EYS: variants seen among roughly 807,000 people sequenced by gnomAD.
EYS encodes the protein EGF-like photoreceptor maintenance factor, also known as protein eyes shut homolog.
EYS carries 250 observed loss-of-function variants against 282.1 expected under a neutral mutation model. The ratio of observed to expected loss-of-function variants is 0.89; its 90% CI spans 0.80 to 0.98. The LOEUF is 0.98. Ranked by LOEUF, EYS falls within the 50% of genes least tolerant of loss-of-function variation. EYS has a pLI of 0.00. For synonymous variants in EYS, 1,355 were observed against 1,282.9 expected (o/e 1.06, Z -1.20); for missense variants, 4,016 against 3,709.0 (o/e 1.08, Z -2.15).
intron 26 of EYS, among the ~76,000 whole-genome samples, chr6:64,477,808 G>GA (rs1289509182): frequency 6.6e-6 from 1 of 151,796 alleles, no homozygotes; most frequent in Admixed American, 6.6e-5. Context: ...TACGTGGTTT[G>GA]AAAAAAAATC....
At chr6:64,476,693 C>A (rs765948273) in intron 26 of EYS, among the ~76,000 whole-genome samples, 3 of 152,064 alleles carry the variant, frequency 2.0e-5, no homozygotes, top group Non-Finnish European at 2.9e-5. Context: ...AAGCCAATGT[C>A]AATTTAAAAT....
At chr6:64,330,382 C>T (rs746986840) in intron 29 of EYS, among the ~76,000 whole-genome samples, 31 of 152,038 alleles carry the variant, frequency 2.0e-4, no homozygotes, top group Non-Finnish European at 3.5e-4. Context: ...ATTACACACT[C>T]GGCAAAACCA....
At chr6:63,758,600 A>G (rs898467113) in intron 41 of EYS, among the ~76,000 whole-genome samples, 9 of 152,062 alleles carry the variant, frequency 5.9e-5, no homozygotes, top group South Asian at 2.1e-4. Context: ...CTCTCAGACT[A>G]TAGGGCTTTC....
At chr6:65,596,958 C>T (rs1356190299) in intron 2 of EYS, among the ~76,000 whole-genome samples, 1 of 151,976 alleles carries the variant, frequency 6.6e-6, no homozygotes, top group Non-Finnish European at 1.5e-5. Context: ...GAATGATGAG[C>T]TTCTGCTTTC....
intron 26 of EYS, among the ~76,000 whole-genome samples, chr6:64,444,963 T>A (rs6936546): frequency 0.017 from 2,628 of 152,354 alleles, 68 homozygotes; most frequent in African/African-American, 0.06. Context: ...ATGTTGGTGC[T>A]ATGCTGGTAC....
chr6:63,739,073 T>C (rs546897803), intron 41 of EYS, among the ~76,000 whole-genome samples: 6 of 152,246 alleles, frequency 3.9e-5, no homozygotes, highest in Non-Finnish European at 7.4e-5. Context: ...CCTCCCTCCT[T>C]CCTCCCCTCC....
intron 12 of EYS, among the ~76,000 whole-genome samples, chr6:65,058,533 C>T (rs1032630938): frequency 1.4e-5 from 2 of 142,594 alleles, no homozygotes; most frequent in South Asian, 4.5e-4. Flanking sequence ...TTTCAATCTA[C>T]TCATGATCTT....
intron 19 of EYS, among the ~76,000 whole-genome samples, chr6:64,831,898 G>A (rs1227044971): frequency 6.6e-6 from 1 of 152,042 alleles, no homozygotes; most frequent in Non-Finnish European, 1.5e-5. Context: ...CATTCTAAAT[G>A]AGTGAGTCAA....
chr6:64,545,465 C>T (rs573462573), intron 26 of EYS, among the ~76,000 whole-genome samples: 1 of 152,296 alleles, frequency 6.6e-6, no homozygotes, highest in Non-Finnish European at 1.5e-5. Context: ...TGGCACAAGA[C>T]AGGGATGCCC....
At chr6:64,195,055 T>A (rs1490819972) in intron 31 of EYS, among the ~76,000 whole-genome samples, 1 of 152,118 alleles carries the variant, frequency 6.6e-6, no homozygotes, top group Non-Finnish European at 1.5e-5. Context: ...TTCTTTTTAG[T>A]CCCACAGGTT....
intron 28 of EYS, among the ~76,000 whole-genome samples, chr6:64,395,957 C>T (rs1355931335): frequency 6.6e-6 from 1 of 151,706 alleles, no homozygotes; most frequent in African/African-American, 2.4e-5. Context: ...AAGGATAAAG[C>T]TCTATGAAAT....
intron 35 of EYS, among the ~76,000 whole-genome samples, chr6:63,970,554 G>A (rs966995678): frequency 6.6e-6 from 1 of 151,710 alleles, no homozygotes; most frequent in East Asian, 1.9e-4. Flanking sequence ...AGACTGGCAT[G>A]AACCCGGGAG....
chr6:64,193,487 T>C (rs1380226036), intron 31 of EYS, among the ~76,000 whole-genome samples: 2 of 151,998 alleles, frequency 1.3e-5, no homozygotes, highest in Non-Finnish European at 2.9e-5. Context: ...ATCTTTTTTT[T>C]TCCTGGTTGT....
chr6:64,220,240 G>T (rs750941763), intron 31 of EYS, among the ~76,000 whole-genome samples: 3 of 152,084 alleles, frequency 2.0e-5, no homozygotes, highest in Non-Finnish European at 4.4e-5. Flanking sequence ...AATACACCTT[G>T]GTTGGAGTTC....
chr6:64,601,661 T>C (rs912068901), intron 24 of EYS, among the ~76,000 whole-genome samples: 1 of 152,126 alleles, frequency 6.6e-6, no homozygotes, highest in Non-Finnish European at 1.5e-5. Flanking sequence ...TCTAGATCTT[T>C]CTTTATGGAA....
chr6:65,237,097 C>T (rs891564176), intron 12 of EYS, among the ~76,000 whole-genome samples: 1 of 152,092 alleles, frequency 6.6e-6, no homozygotes, highest in Non-Finnish European at 1.5e-5. Flanking sequence ...AATATAAGCA[C>T]ATAATAGAGA....
Position 65,332,626 on chromosome 6 carries a change from ATTG to A in EYS, c.1766+2351_1766+2353del, listed in dbSNP as rs1469147818. Among the ~76,000 whole-genome samples, 7 of 151,478 alleles carry A rather than the reference ATTG, an allele frequency of 4.6e-5. No homozygotes were observed. In the East Asian group the frequency reaches 7.8e-4, roughly 17 times the overall value. On this transcript the variant is annotated intron_variant, in intron 11 of 42. Coordinates refer to ENST00000503581, the MANE Select transcript of EYS (RefSeq NM_001142800.2). ...TTCTTGTGATTTGTCTGGTTGTGCT[ATTG>A]TTGTAATATTGGCCTCATAAAATGA...
At chr6:65,301,659 C>T (rs1454239645) in intron 11 of EYS, among the ~76,000 whole-genome samples, 1 of 152,270 alleles carries the variant, frequency 6.6e-6, no homozygotes, top group African/African-American at 2.4e-5. Context: ...CGGTATCCTA[C>T]ACCCATTCCC....
chr6:63,830,226 G>A (rs1007569646), intron 36 of EYS, among the ~76,000 whole-genome samples: 1 of 152,212 alleles, frequency 6.6e-6, no homozygotes, highest in African/African-American at 2.4e-5. Context: ...ACTTTGACAA[G>A]TTGAGAGAAG....
Sources: allele counts gnomAD v4.1 joint callset (sites outside exome capture counted in the v4.1 genomes callset), GRCh38; gene constraint gnomAD v4.1.1; transcripts MANE v1.5; gene names NCBI Gene and HGNC (gene_info 2026-07-23, HGNC 2026-07-21).